Variants in KCTD1 observed in about 807,000 individuals in gnomAD.
KCTD1 encodes BTB/POZ domain-containing protein KCTD1.
Under a neutral mutation model 66.0 loss-of-function variants are expected in KCTD1, and 24 were observed. That is an observed-to-expected ratio of 0.36 (90% CI 0.26 to 0.51). KCTD1 has a LOEUF of 0.51. Ranked by LOEUF, KCTD1 falls within the 20% of genes least tolerant of loss-of-function variation. The pLI, the probability that KCTD1 is intolerant of heterozygous loss-of-function variation, is 0.95. For missense variants in KCTD1, 943 were observed against 1,205.2 expected, an observed-to-expected ratio of 0.78 and a Z score of 3.22; for synonymous variants, 511 against 517.2, an observed-to-expected ratio of 0.99 and a Z score of 0.16.
chr18:26,512,839 G>C (rs1313875999), intron 1 of KCTD1, among the ~76,000 whole-genome samples: 1 of 152,000 alleles, frequency 6.6e-6, no homozygotes, highest in Non-Finnish European at 1.5e-5. Flanking sequence ...AAATTAGCCG[G>C]GTGTGGTGGT....
intron 1 of KCTD1, among the ~76,000 whole-genome samples, chr18:26,614,736 A>C (rs1987212674): frequency 6.6e-6 from 1 of 152,246 alleles, no homozygotes; most frequent in African/African-American, 2.4e-5. Context: ...CTAGCGAATC[A>C]GTCTCCTATC....
intron 2 of KCTD1, among the ~76,000 whole-genome samples, chr18:26,478,053 C>T (rs751561132): frequency 6.6e-6 from 1 of 152,184 alleles, no homozygotes; most frequent in East Asian, 1.9e-4. Context: ...CTAAAATATG[C>T]TTAGTCACTT....
chr18:26,470,128 G>A lies in KCTD1; in HGVS notation c.2133+6387C>T, dbSNP rs147925673. On this transcript the variant is annotated intron_variant, in intron 3 of 4. Transcript: ENST00000580059. ...CATTCATCTATTTACCCATCCATGC[G>A]TTCATTCACTCACGCCACAAATATT... 3.3e-3 allele frequency among the ~76,000 whole-genome samples: 506 copies of A among 152,260 alleles called. 2 individuals are homozygous for A. Among genetic ancestry groups the A allele is most frequent in the Middle Eastern group, 0.01 (3 of 294 alleles).
rs556137074 is a variant in KCTD1, at chr18:26,491,103, T to C, written c.1988+9969A>G. ...ATTTAAACAAAGTTTCCTGGATTGG[T>C]GTGTGAGTGTATGCATGCATGCGTG... On this transcript the variant is annotated intron_variant, in intron 2 of 4. Transcript: ENST00000580059. 4.6e-5 allele frequency among the ~76,000 whole-genome samples: 7 copies of C among 152,136 alleles called. 1 individual carries two copies. The South Asian group carries it at 6.2e-4, about 14-fold the overall frequency.
chr18:26,570,995 A>G (rs1306375121), intron 1 of KCTD1, among the ~76,000 whole-genome samples: 2 of 152,218 alleles, frequency 1.3e-5, no homozygotes, highest in South Asian at 2.1e-4. Context: ...GCCAGATAAC[A>G]TTTCCAAATA....
At chr18:26,516,025 G>C (rs968454648) in intron 1 of KCTD1, among the ~76,000 whole-genome samples, 13 of 152,130 alleles carry the variant, frequency 8.5e-5, no homozygotes, top group African/African-American at 3.1e-4. Flanking sequence ...TTTTGTCTGA[G>C]AAGAAAAGGG....
chr18:26,482,315 C>A (rs867367048), intron 2 of KCTD1, among the ~76,000 whole-genome samples: 1 of 152,184 alleles, frequency 6.6e-6, no homozygotes, highest in African/African-American at 2.4e-5. Flanking sequence ...AGATACCCTA[C>A]ACTGAACTGA....
In KCTD1 at chr18:26,532,261, C is replaced by CTTTCTTTTT. The variant is rs1394278500; in HGVS notation, c.1809+14466_1809+14467insAAAAAGAAA. Among the ~76,000 whole-genome samples the CTTTCTTTTT allele has an allele frequency of 3.6e-3, 105 of 29,554 alleles. 3 individuals are homozygous for CTTTCTTTTT. The highest frequency in any genetic ancestry group is 6.5e-3 in the African/African-American group (100 of 15,384). 19.4% of individuals were successfully genotyped at this position (29,554 alleles called of 152,430 possible). A position where few individuals can be genotyped will look rare whatever the true frequency, so the allele number is the denominator to read the frequency against. ...CTTTTTCTTTTTCTTTTCTTTCCTT[C>CTTTCTTTTT]TTTTTTTTTTTTTTTTTTTTTTTTT... On this transcript the variant is annotated intron_variant, in intron 1 of 4. Coordinates refer to ENST00000580059, the MANE Select transcript of KCTD1 (RefSeq NM_001142730.3).
intron 1 of KCTD1, among the ~76,000 whole-genome samples, chr18:26,586,639 G>A: frequency 6.6e-6 from 1 of 152,312 alleles, no homozygotes; most frequent in South Asian, 2.1e-4. Context: ...GAATGCAAAG[G>A]AAAAGATTTT....
intron 3 of KCTD1, among the ~76,000 whole-genome samples, chr18:26,463,760 C>T (rs1980570791): frequency 6.6e-6 from 1 of 152,222 alleles, no homozygotes; most frequent in African/African-American, 2.4e-5. Context: ...TGGTCTCGAA[C>T]TTCTGACCTC....
intron 1 of KCTD1, chr18:26,543,507 A>G (rs534823015): frequency 6.6e-6 from 1 of 152,358 alleles, no homozygotes; most frequent in African/African-American, 2.4e-5. Context: ...CCCCTATAGC[A>G]CCTGAGTGGA....
chr18:26,470,023 T>A (rs955063169), intron 3 of KCTD1, among the ~76,000 whole-genome samples: 9 of 151,842 alleles, frequency 5.9e-5, no homozygotes, highest in Admixed American at 5.9e-4. Flanking sequence ...ATATCCAGAG[T>A]CCAAACATCA....
intron 2 of KCTD1, among the ~76,000 whole-genome samples, chr18:26,478,197 T>C (rs929807359): frequency 1.3e-5 from 2 of 152,232 alleles, no homozygotes; most frequent in Non-Finnish European, 2.9e-5. Flanking sequence ...AAAAGGGAGC[T>C]ATATTAAGTG....
In KCTD1 at chr18:26,455,894, T is replaced by C. The variant is rs1206443981; in HGVS notation, c.2447A>G (p.Glu816Gly). 2 of 1,613,266 alleles carry C rather than the reference T, an allele frequency of 1.2e-6. No individual in the cohort carries two copies. The highest frequency in any genetic ancestry group is 1.7e-6 in the Non-Finnish European group (2 of 1,179,390). Reference protein sequence around the residue: ...YCHLNSVQVLERLQQRGFEIV... With the variant: ...YCHLNSVQVLGRLQQRGFEIV... ...TTCAAATCCTCTTTGCTGCAACCTC[T>C]CGAGGACCTGCGAGGGAACAAGACA... The change falls in exon 5 of 5, where the codon GAG becomes GGG. Residue 816 changes from glutamate (E) to glycine (G), a missense_variant. Physicochemically the swap from Glu to Gly is moderately conservative, Grantham distance 98. Coordinates refer to ENST00000580059, the MANE Select transcript of KCTD1 (RefSeq NM_001142730.3).
intron 2 of KCTD1, among the ~76,000 whole-genome samples, chr18:26,489,656 G>C (rs1982091117): frequency 6.6e-6 from 1 of 152,118 alleles, no homozygotes; most frequent in Non-Finnish European, 1.5e-5. Context: ...TTCCACGTTG[G>C]CCTGATAAAA....
intron 1 of KCTD1, among the ~76,000 whole-genome samples, chr18:26,503,571 C>T (rs1163935661): frequency 6.6e-6 from 1 of 152,092 alleles, no homozygotes; most frequent in Non-Finnish European, 1.5e-5. Flanking sequence ...GCGGCAGAGT[C>T]TGTAATAGTT....
Position 26,547,624 on chromosome 18 carries a change from C to T in KCTD1, c.913G>A (p.Gly305Arg), listed in dbSNP as rs1567989079. Residue 305 changes from glycine to arginine, a missense_variant, in exon 1 of 5, where the codon GGG (glycine) becomes AGG (arginine). Physicochemically the swap from Gly to Arg is moderately radical, Grantham distance 125. Coordinates refer to ENST00000580059, the MANE Select transcript of KCTD1 (RefSeq NM_001142730.3). ...SSVFSTNTPFGLLNKVWFETC... is the reference protein window; with the variant it reads ...SSVFSTNTPFRLLNKVWFETC... ...TCGAACCAGACCTTGTTGAGCAGCC[C>T]GAAGGGCGTGTTGGTGCTGAAGACG... is the stretch of plus-strand genomic sequence containing the variant. The T allele has an allele frequency of 6.4e-7, 1 of 1,551,562 alleles. No individual in the cohort carries two copies. Among genetic ancestry groups the T allele is most frequent in the Non-Finnish European group, 8.7e-7 (1 of 1,146,934 alleles).
intron 2 of KCTD1, among the ~76,000 whole-genome samples, chr18:26,484,342 T>C (rs147119850): frequency 2.0e-3 from 312 of 152,316 alleles, no homozygotes; most frequent in Admixed American, 4.1e-3. Context: ...CTAGTACCTG[T>C]TCCCTGAGGT....
At chr18:26,614,361 A>C (rs1187750829) in intron 1 of KCTD1, among the ~76,000 whole-genome samples, 1 of 152,276 alleles carries the variant, frequency 6.6e-6, no homozygotes, top group Non-Finnish European at 1.5e-5. Context: ...TAATAGAAAG[A>C]CAAATAGAAA....
Sources: gnomAD v4.1 joint callset for allele counts (sites outside exome capture counted in the v4.1 genomes callset) on GRCh38, gnomAD v4.1.1 for gene constraint, MANE v1.5 for transcripts, NCBI Gene and HGNC (gene_info 2026-07-23, HGNC 2026-07-21) for gene names.